Variants in VTI1A observed in about 807,000 individuals in gnomAD.
VTI1A encodes vesicle transport through interaction with t-SNAREs homolog 1A.
VTI1A carries 22 observed loss-of-function variants against 34.9 expected under a neutral mutation model. The ratio of observed to expected loss-of-function variants is 0.63; its 90% CI spans 0.45 to 0.90. The LOEUF (loss-of-function observed/expected upper bound fraction) is 0.90. Ranked by LOEUF, VTI1A falls within the 40% of genes least tolerant of loss-of-function variation. The pLI is 0.00. For synonymous variants in VTI1A, 87 were observed against 97.3 expected, an observed-to-expected ratio of 0.89 and a Z score of 0.62; for missense variants, 268 against 275.6, an observed-to-expected ratio of 0.97 and a Z score of 0.20.
intron 7 of VTI1A, chr10:112,737,010 G>A (rs1490696945): frequency 3.7e-6 from 2 of 541,082 alleles, no homozygotes; most frequent in Non-Finnish European, 6.6e-6. Flanking sequence ...AGAGCTTTAT[G>A]ATTCTGTAAT....
rs538489137 is a variant in VTI1A, at chr10:112,516,211, C to T, written c.265-10876C>T. On this transcript the variant is annotated intron_variant, in intron 3 of 7. Coordinates refer to ENST00000393077, the MANE Select transcript of VTI1A (RefSeq NM_145206.4). Reference sequence around the variant, plus strand: ...ATCAGACAAACAAAGAAGAAATATGCATGCACATCATCTCATTTGAAATGG... The same window carrying T: ...ATCAGACAAACAAAGAAGAAATATGTATGCACATCATCTCATTTGAAATGG... 3.3e-5 allele frequency among the ~76,000 whole-genome samples: 5 copies of T among 152,136 alleles called. No individual in the cohort carries two copies. The East Asian group carries it at 9.7e-4, about 29-fold the overall frequency.
intron 5 of VTI1A, among the ~76,000 whole-genome samples, chr10:112,553,003 T>C (rs1851417200): frequency 6.6e-6 from 1 of 152,222 alleles, no homozygotes; most frequent in Admixed American, 6.5e-5. Flanking sequence ...TAAGGTTGTC[T>C]TGATCTGAAA....
chr10:112,451,234 G>C (rs1847227591), intron 1 of VTI1A, among the ~76,000 whole-genome samples: 1 of 152,048 alleles, frequency 6.6e-6, no homozygotes, highest in African/African-American at 2.4e-5. Flanking sequence ...CGGTAGAATG[G>C]GGGTGAGAGA....
At chr10:112,497,707 G>A (rs1849077181) in intron 3 of VTI1A, among the ~76,000 whole-genome samples, 1 of 152,146 alleles carries the variant, frequency 6.6e-6, no homozygotes, top group African/African-American at 2.4e-5. Flanking sequence ...ACTTTCCTCA[G>A]TTGTAAACCC....
intron 5 of VTI1A, among the ~76,000 whole-genome samples, chr10:112,546,141 G>A (rs928234501): frequency 6.0e-5 from 9 of 151,088 alleles, no homozygotes; most frequent in Non-Finnish European, 1.0e-4. Context: ...ATATATATGT[G>A]TGTGCGTATA....
At chr10:112,683,389 G>A (rs1039766991) in intron 7 of VTI1A, among the ~76,000 whole-genome samples, 2 of 152,136 alleles carry the variant, frequency 1.3e-5, no homozygotes, top group Non-Finnish European at 2.9e-5. Flanking sequence ...TAGACTATAG[G>A]CAGAAAGTGG....
intron 5 of VTI1A, among the ~76,000 whole-genome samples, chr10:112,585,663 CT>C (rs61436886): frequency 0.49 from 57,856 of 117,154 alleles, 12,997 homozygotes; most frequent in African/African-American, 0.59. Flanking sequence ...TTGTGGATTT[CT>C]TTTTTTTTTT....
intron 5 of VTI1A, among the ~76,000 whole-genome samples, chr10:112,577,457 T>C (rs561177950): frequency 1.4e-4 from 22 of 152,238 alleles, no homozygotes; most frequent in African/African-American, 5.3e-4. Flanking sequence ...AGGCACTCTT[T>C]GGTAAACAGT....
At chr10:112,518,653 A>C (rs774172362) in intron 3 of VTI1A, among the ~76,000 whole-genome samples, 1 of 70,032 alleles carries the variant, frequency 1.4e-5, no homozygotes, top group South Asian at 4.6e-4. Context: ...ATATACGTGT[A>C]TATATATATA....
intron 3 of VTI1A, among the ~76,000 whole-genome samples, chr10:112,481,448 T>G (rs1470045569): frequency 1.3e-5 from 2 of 152,240 alleles, no homozygotes; most frequent in Non-Finnish European, 2.9e-5. Flanking sequence ...TGGAATGTCT[T>G]CATATGAAGT....
intron 1 of VTI1A, among the ~76,000 whole-genome samples, chr10:112,453,116 A>G (rs1436644673): frequency 2.6e-5 from 4 of 152,006 alleles, no homozygotes. Context: ...CTGGTCAGAT[A>G]TTTTCTAGAA....
At chr10:112,778,394 C>T (rs764484816) in intron 7 of VTI1A, among the ~76,000 whole-genome samples, 61 of 152,308 alleles carry the variant, frequency 4.0e-4, no homozygotes, top group Admixed American at 1.0e-3. Context: ...TAACTGATGG[C>T]CATTGTGAAT....
At chr10:112,669,569 G>T (rs1213547896) in intron 7 of VTI1A, among the ~76,000 whole-genome samples, 2 of 152,096 alleles carry the variant, frequency 1.3e-5, no homozygotes, top group African/African-American at 4.8e-5. Flanking sequence ...ATGCTAAATA[G>T]TATGAGAAAA....
In VTI1A at chr10:112,759,479, C is replaced by T. The variant is rs528516353; in HGVS notation, c.561-55811C>T. On this transcript the variant is annotated intron_variant, in intron 7 of 7. Transcript: ENST00000393077. Reference sequence around the variant, plus strand: ...CTTATTTCCCCGAGCGTATAGAGTTCGTTCACATGCCTACCGAACCAACGT... The same window carrying T: ...CTTATTTCCCCGAGCGTATAGAGTTTGTTCACATGCCTACCGAACCAACGT... 5.3e-5 allele frequency among the ~76,000 whole-genome samples: 8 copies of T among 152,276 alleles called. No homozygotes were observed. The East Asian group carries it at 1.4e-3, about 26-fold the overall frequency.
chr10:112,709,682 C>CCTTTTTTTTTTTTTTTTTTTT lies in VTI1A; in HGVS notation c.560+40684_560+40685insCTTTTTTTTTTTTTTTTTTTT, dbSNP rs557189298. Among the ~76,000 whole-genome samples, 2 of 70,256 alleles carry CCTTTTTTTTTTTTTTTTTTTT rather than the reference C, an allele frequency of 2.8e-5. 1 individual carries two copies. Among genetic ancestry groups the CCTTTTTTTTTTTTTTTTTTTT allele is most frequent in the African/African-American group, 1.3e-4 (2 of 15,346 alleles). 46.1% of individuals were successfully genotyped at this position (70,256 alleles called of 152,430 possible). On this transcript the variant is annotated intron_variant, in intron 7 of 7. Coordinates refer to ENST00000393077, the MANE Select transcript of VTI1A (RefSeq NM_145206.4). ...CCCCAACAAGAGGCACTCTATGTGG[C>CCTTTTTTTTTTTTTTTTTTTT]TTTTTTTTTTTTTTTTTTTTTTTTT...
chr10:112,458,690 A>G (rs1276429933), intron 1 of VTI1A, among the ~76,000 whole-genome samples: 1 of 150,142 alleles, frequency 6.7e-6, no homozygotes, highest in Non-Finnish European at 1.5e-5. Context: ...TTTTTGAGAC[A>G]GAGTCCCGCA....
Position 112,478,663 on chromosome 10 carries a change from A to G in VTI1A, c.264+14006A>G, listed in dbSNP as rs370362639. ...TTTGTAGAAAACATCTTAGAAATTA[A>G]TCACTCTATGATAGTAGAGTCAGAA... On this transcript the variant is annotated intron_variant, in intron 3 of 7. Coordinates refer to ENST00000393077, the MANE Select transcript of VTI1A (RefSeq NM_145206.4). Among the ~76,000 whole-genome samples the G allele has an allele frequency of 6.6e-5, 10 of 152,342 alleles. No homozygotes were observed. In the East Asian group the frequency reaches 1.7e-3, roughly 26 times the overall value.
At chr10:112,661,948 T>G (rs914250101) in intron 5 of VTI1A, among the ~76,000 whole-genome samples, 1 of 152,038 alleles carries the variant, frequency 6.6e-6, no homozygotes, top group Admixed American at 6.5e-5. Context: ...ATTTTTGCAT[T>G]TTTAGTAGAT....
At chr10:112,827,801 A>G in the VTI1A span, 1 of 152,234 alleles carries the variant, frequency 6.6e-6, no homozygotes, top group South Asian at 2.1e-4. Flanking sequence ...GGTTAGTTCA[A>G]AATCTTCAGT....
Sources: gnomAD v4.1 joint callset for allele counts (sites outside exome capture counted in the v4.1 genomes callset) on GRCh38, gnomAD v4.1.1 for gene constraint, MANE v1.5 for transcripts, NCBI Gene and HGNC (gene_info 2026-07-23, HGNC 2026-07-21) for gene names.